The following DOCK3 variants were observed in gnomAD, a reference collection of about 807,000 sequenced individuals.
DOCK3 encodes the protein dedicator of cytokinesis 3, also known as dedicator of cytokinesis protein 3.
In DOCK3, 60 loss-of-function variants were observed where a neutral mutation model predicts 265.6. The ratio of observed to expected loss-of-function variants is 0.23; its 90% CI spans 0.18 to 0.28. The LOEUF (loss-of-function observed/expected upper bound fraction) is 0.28, where lower values mean the gene tolerates loss of function less well. Ranked by LOEUF, DOCK3 falls within the 10% of genes least tolerant of loss-of-function variation. The probability of loss-of-function intolerance (pLI) is 1.00; values close to 1 mark genes in which losing one functional copy is unlikely to be tolerated. For synonymous variants in DOCK3, 881 were observed against 938.0 expected, an observed-to-expected ratio of 0.94 and a Z score of 1.11; for missense variants, 1,981 against 2,594.3, an observed-to-expected ratio of 0.76 and a Z score of 5.14.
chr3:51,307,849 T>C (rs1372466925), intron 27 of DOCK3, among the ~76,000 whole-genome samples: 7 of 151,670 alleles, frequency 4.6e-5, no homozygotes, highest in Non-Finnish European at 1.0e-4. Flanking sequence ...ACATGGCTGC[T>C]TCATGCAGCT....
chr3:51,277,570 TTGC>T (rs1437921082), intron 25 of DOCK3, 35 bp from the exon 26 acceptor site: 4 of 1,496,988 alleles, frequency 2.7e-6, no homozygotes, highest in Non-Finnish European at 2.7e-6. Flanking sequence ...TCAGCCTGGC[TTGC>T]TGCTAATGGT....
At chr3:51,259,286 G>A (rs1172741018) in intron 22 of DOCK3, among the ~76,000 whole-genome samples, 1 of 152,188 alleles carries the variant, frequency 6.6e-6, no homozygotes, top group Non-Finnish European at 1.5e-5. Context: ...GGTAGTTTGG[G>A]AATTGTTTCC....
intron 6 of DOCK3, among the ~76,000 whole-genome samples, chr3:51,072,416 T>G (rs1327121030): frequency 2.6e-5 from 4 of 151,126 alleles, no homozygotes; most frequent in Non-Finnish European, 5.9e-5. Flanking sequence ...CTAATACAAT[T>G]TTTTTTTTTG....
chr3:51,190,030 C>A lies in DOCK3; in HGVS notation c.1038-18744C>A, dbSNP rs558375735. On this transcript the variant is annotated intron_variant, in intron 12 of 52. Coordinates refer to ENST00000266037, the MANE Select transcript of DOCK3 (RefSeq NM_004947.5). ...GACGCTTCACAAGCGCAAAGGCTTT[C>A]TGACTGTTGGGGTACAGCCACAGAC... Among the ~76,000 whole-genome samples the A allele has an allele frequency of 1.1e-4, 16 of 152,314 alleles. No individual in the cohort carries two copies. The South Asian group carries it at 3.3e-3, about 32-fold the overall frequency.
intron 14 of DOCK3, among the ~76,000 whole-genome samples, chr3:51,214,796 T>A (rs1008049934): frequency 2.0e-5 from 3 of 152,166 alleles, no homozygotes; most frequent in Non-Finnish European, 2.9e-5. Context: ...TATCACCCAT[T>A]TCATCTAATG....
At chr3:51,083,698 T>C (rs557494733) in intron 7 of DOCK3, among the ~76,000 whole-genome samples, 1 of 152,256 alleles carries the variant, frequency 6.6e-6, no homozygotes, top group East Asian at 1.9e-4. Context: ...AGAAAGACTT[T>C]CTGGCCAAGC....
intron 1 of DOCK3, among the ~76,000 whole-genome samples, chr3:50,706,797 TTTTGATCTGACTTGGTTA>T (rs1192038149): frequency 1.3e-5 from 2 of 152,128 alleles, no homozygotes; most frequent in South Asian, 4.1e-4. Flanking sequence ...ATTCTTTTTT[TTTTGATCTGACTTGGTTA>T]TTTGAAAAGA....
intron 9 of DOCK3, among the ~76,000 whole-genome samples, chr3:51,118,753 C>T (rs1253969238): frequency 6.6e-6 from 1 of 151,222 alleles, no homozygotes; most frequent in African/African-American, 2.4e-5. Flanking sequence ...TGGTCTTGAT[C>T]GTGTTGGTTA....
intron 2 of DOCK3, among the ~76,000 whole-genome samples, chr3:50,821,684 A>G (rs2044441707): frequency 6.6e-6 from 1 of 152,222 alleles, no homozygotes; most frequent in Non-Finnish European, 1.5e-5. Context: ...GTGAAAGGTA[A>G]GCATCCAGCT....
intron 4 of DOCK3, among the ~76,000 whole-genome samples, chr3:50,906,677 G>T (rs984737970): frequency 6.6e-6 from 1 of 151,904 alleles, no homozygotes; most frequent in Non-Finnish European, 1.5e-5. Context: ...CTTGCTAGAA[G>T]TCTATCAATT....
intron 27 of DOCK3, among the ~76,000 whole-genome samples, chr3:51,305,649 C>T (rs1315939126): frequency 6.7e-6 from 1 of 149,910 alleles, no homozygotes; most frequent in Admixed American, 6.7e-5. Flanking sequence ...TTTGTTCCTC[C>T]ATTACTGCCT....
intron 3 of DOCK3, among the ~76,000 whole-genome samples, chr3:50,845,390 G>C (rs988588575): frequency 6.6e-6 from 1 of 152,106 alleles, no homozygotes; most frequent in Non-Finnish European, 1.5e-5. Flanking sequence ...TGTGATTTCA[G>C]GATCAGCTTT....
At chr3:51,048,376 C>T (rs947372558) in intron 5 of DOCK3, among the ~76,000 whole-genome samples, 8 of 151,832 alleles carry the variant, frequency 5.3e-5, no homozygotes, top group Non-Finnish European at 7.4e-5. Flanking sequence ...GTTGAATATC[C>T]CTTAGCTGAA....
chr3:51,029,419 G>C (rs1435150908), intron 5 of DOCK3, among the ~76,000 whole-genome samples: 1 of 152,108 alleles, frequency 6.6e-6, no homozygotes, highest in Non-Finnish European at 1.5e-5. Context: ...GTGGGGGTGG[G>C]GCTGCCAAAG....
chr3:50,734,895 G>A (rs929281501), intron 1 of DOCK3, among the ~76,000 whole-genome samples: 1 of 152,076 alleles, frequency 6.6e-6, no homozygotes, highest in Non-Finnish European at 1.5e-5. Context: ...CAGCCACCGC[G>A]CCCAGCCTGC....
intron 33 of DOCK3, 141 bp from the exon 34 acceptor site, chr3:51,332,860 A>C: frequency 1.0e-6 from 1 of 959,078 alleles, no homozygotes; most frequent in Non-Finnish European, 1.6e-6. Flanking sequence ...TGTATGCCTA[A>C]GGTGGCTGGA....
chr3:51,124,418 T>C (rs1208752046), intron 9 of DOCK3, among the ~76,000 whole-genome samples: 1 of 152,154 alleles, frequency 6.6e-6, no homozygotes, highest in East Asian at 1.9e-4. Context: ...TTTATTTAAT[T>C]TTAATATAAA....
intron 2 of DOCK3, among the ~76,000 whole-genome samples, chr3:50,803,889 C>T (rs956885890): frequency 1.3e-4 from 20 of 152,006 alleles, no homozygotes; most frequent in Non-Finnish European, 2.4e-4. Context: ...GGGGGCTGTC[C>T]CCCACCTCCT....
At chr3:50,756,258 T>C (rs973735859) in intron 1 of DOCK3, among the ~76,000 whole-genome samples, 4 of 152,204 alleles carry the variant, frequency 2.6e-5, no homozygotes, top group African/African-American at 9.6e-5. Context: ...GGTCATATAC[T>C]GGTTAAACTC....
Sources: allele counts gnomAD v4.1 joint callset (sites outside exome capture counted in the v4.1 genomes callset), GRCh38; gene constraint gnomAD v4.1.1; transcripts MANE v1.5; gene names NCBI Gene and HGNC (gene_info 2026-07-23, HGNC 2026-07-21).